EDAR: variants seen among roughly 807,000 people sequenced by gnomAD.
EDAR encodes tumor necrosis factor receptor superfamily member EDAR.
In EDAR, 38 loss-of-function variants were observed where a neutral mutation model predicts 51.3. The observed-to-expected ratio is 0.74, with a 90% confidence interval of 0.57 to 0.97. The LOEUF is 0.97. Ranked by LOEUF, EDAR falls within the 50% of genes least tolerant of loss-of-function variation. The probability of loss-of-function intolerance (pLI) is 0.00; values close to 1 mark genes in which losing one functional copy is unlikely to be tolerated. For missense variants in EDAR, 528 were observed against 595.0 expected (o/e 0.89, Z 1.17); for synonymous variants, 227 against 242.1 (o/e 0.94, Z 0.58).
At chr2:108,901,082 T>C (rs967064922) in intron 11 of EDAR, among the ~76,000 whole-genome samples, 32 of 152,190 alleles carry the variant, frequency 2.1e-4, no homozygotes, top group African/African-American at 7.5e-4. Context: ...AACAGCAGAA[T>C]ACACATTGTT....
At chr2:108,973,925 C>T (rs1474764687) in intron 1 of EDAR, among the ~76,000 whole-genome samples, 1 of 152,210 alleles carries the variant, frequency 6.6e-6, no homozygotes, top group Non-Finnish European at 1.5e-5. Flanking sequence ...AAACCAATTA[C>T]GGAGCTGTAA....
chr2:108,915,860 G>GCC (rs1697017605), intron 5 of EDAR, among the ~76,000 whole-genome samples: 1 of 151,950 alleles, frequency 6.6e-6, no homozygotes, highest in Admixed American at 6.6e-5. Context: ...CCACGCCATT[G>GCC]CACTCCATGC....
rs1219002338 is a variant in EDAR at position 108,894,974 on chromosome 2, C to CTCA, written c.*1930_*1932dup. The CTCA allele has an allele frequency of 6.6e-6, 1 of 152,218 alleles. No homozygotes were observed. Among genetic ancestry groups the CTCA allele is most frequent in the Non-Finnish European group, 1.5e-5 (1 of 68,040 alleles). The allele number at this position is 152,218 out of a possible 1,614,324, so 9.4% of individuals were successfully genotyped here. A position where few individuals can be genotyped will look rare whatever the true frequency, so the allele number is the denominator to read the frequency against. On this transcript the variant is annotated 3_prime_UTR_variant, in exon 12 of 12. Transcript: ENST00000258443. The stretch of plus-strand genomic sequence containing the variant: ...CAAGCTGTTATCCTGGAATGGCACA[C>CTCA]TCATCACAAGTGACATTTGCAGTCT...
intron 1 of EDAR, among the ~76,000 whole-genome samples, chr2:108,985,722 C>T (rs1698487094): frequency 6.6e-6 from 1 of 152,160 alleles, no homozygotes; most frequent in Non-Finnish European, 1.5e-5. Context: ...GTGTCTCTGC[C>T]CCCAGAGAGG....
At chr2:108,974,704 T>C (rs1184842936) in intron 1 of EDAR, among the ~76,000 whole-genome samples, 2 of 152,006 alleles carry the variant, frequency 1.3e-5, no homozygotes, top group African/African-American at 4.8e-5. Flanking sequence ...CACTCCACCC[T>C]GGGTGACAGA....
chr2:108,972,037 G>T (rs952337429), intron 1 of EDAR, among the ~76,000 whole-genome samples: 2 of 152,322 alleles, frequency 1.3e-5, no homozygotes, highest in African/African-American at 2.4e-5. Context: ...GGGTCCTCCA[G>T]CCTGGCCTGG....
At chr2:108,905,395 A>C (rs1696781687) in intron 11 of EDAR, among the ~76,000 whole-genome samples, 1 of 152,196 alleles carries the variant, frequency 6.6e-6, no homozygotes, top group African/African-American at 2.4e-5. Context: ...GTTTATGGAG[A>C]GATGCCACAT....
At chr2:108,931,156 C>G (rs570430839) in intron 1 of EDAR, 124 bp from the exon 2 acceptor site, 33 of 795,720 alleles carry the variant, frequency 4.1e-5, no homozygotes, top group African/African-American at 4.1e-4. Context: ...ACTATACATC[C>G]TAAAAGAAAA....
intron 1 of EDAR, among the ~76,000 whole-genome samples, chr2:108,962,965 G>A (rs909873967): frequency 1.3e-5 from 2 of 152,184 alleles, no homozygotes; most frequent in Non-Finnish European, 2.9e-5. Context: ...CCAAGGACAG[G>A]AGGGCTCACT....
At chr2:108,942,347 A>G (rs1025288460) in intron 1 of EDAR, among the ~76,000 whole-genome samples, 1 of 152,226 alleles carries the variant, frequency 6.6e-6, no homozygotes, top group African/African-American at 2.4e-5. Context: ...CTTTGGGAAC[A>G]GAGGTCTGGG....
At chr2:108,944,828 C>T (rs1341527669) in intron 1 of EDAR, among the ~76,000 whole-genome samples, 1 of 152,132 alleles carries the variant, frequency 6.6e-6, no homozygotes, top group Non-Finnish European at 1.5e-5. Context: ...ACCGCAGAGG[C>T]CAAGCTTCTA....
rs79648056 is a variant in EDAR, at chr2:108,908,001, G to T, written c.822C>A (p.Ser274=). ...KPTKSENDAS[S]ENEQLLSRSV... ...TCCGGCTCAGCAGCTGCTCATTCTC[G>T]GATGAGGCATCGTTCTCGCTGCAAA... The change falls in exon 10 of 12, where the codon TCC becomes TCA. Residue 274 remains serine (S), a synonymous_variant. Coordinates refer to ENST00000258443, the MANE Select transcript of EDAR (RefSeq NM_022336.4). 3.6e-3 allele frequency: 5,790 copies of T among 1,609,768 alleles called. 184 individuals carry two copies. In the African/African-American group the frequency reaches 0.068, roughly 19 times the overall value.
rs896148214 is a variant in EDAR at position 108,896,435 on chromosome 2, A to G, written c.*472T>C. On this transcript the variant is annotated 3_prime_UTR_variant, in exon 12 of 12. Transcript: ENST00000258443. ...GAGTCATCTCCCGCTTAGAACTTCTATTAACGTTTTCTAAGCGCCCCTTCA... is the reference window on the plus strand; with the variant it reads ...GAGTCATCTCCCGCTTAGAACTTCTGTTAACGTTTTCTAAGCGCCCCTTCA... The G allele has an allele frequency of 1.3e-5, 2 of 156,990 alleles. No homozygotes were observed. The highest frequency in any genetic ancestry group is 2.4e-5 in the African/African-American group (1 of 41,508). 9.7% of individuals were successfully genotyped at this position (156,990 alleles called of 1,614,324 possible). A position where few individuals can be genotyped will look rare whatever the true frequency, so the allele number is the denominator to read the frequency against.
At chr2:108,932,311 G>A (rs921992443) in intron 1 of EDAR, among the ~76,000 whole-genome samples, 3 of 151,898 alleles carry the variant, frequency 2.0e-5, no homozygotes, top group Non-Finnish European at 4.4e-5. Flanking sequence ...GGCGGATCAC[G>A]AGGTCAGGAG....
In EDAR at chr2:108,896,847, C is replaced by T; in HGVS notation, c.*60G>A. On this transcript the variant is annotated 3_prime_UTR_variant, in exon 12 of 12. Transcript: ENST00000258443. The stretch of plus-strand genomic sequence containing the variant: ...GGCAGTCTTTTGGCACCACTCACAG[C>T]TCCAGAGCCCTCGTTGGCTCCTTGG... The T allele has an allele frequency of 3.3e-6, 5 of 1,536,404 alleles. No individual in the cohort carries two copies. The highest frequency in any genetic ancestry group is 4.4e-6 in the Non-Finnish European group (5 of 1,128,980).
intron 1 of EDAR, among the ~76,000 whole-genome samples, chr2:108,983,636 C>T (rs1698451824): frequency 6.6e-6 from 1 of 152,204 alleles, no homozygotes; most frequent in African/African-American, 2.4e-5. Context: ...TATCCTCCTC[C>T]AGACTGACTT....
intron 8 of EDAR, 42 bp downstream of exon 8, chr2:108,910,734 G>A (rs1333137100): frequency 6.2e-7 from 1 of 1,605,202 alleles, no homozygotes; most frequent in South Asian, 1.1e-5. Context: ...ACCCAGAGAT[G>A]GGCACCGTGC....
At chr2:108,915,998 C>A (rs1697021834) in intron 5 of EDAR, among the ~76,000 whole-genome samples, 1 of 152,170 alleles carries the variant, frequency 6.6e-6, no homozygotes, top group Non-Finnish European at 1.5e-5. Context: ...ACAGAGCGTT[C>A]CCCCTCACAG....
intron 1 of EDAR, among the ~76,000 whole-genome samples, chr2:108,944,461 C>G (rs1399447433): frequency 6.6e-6 from 1 of 152,222 alleles, no homozygotes; most frequent in Non-Finnish European, 1.5e-5. Flanking sequence ...TTGACTATGG[C>G]TGCGGCAACA....
Sources: allele counts gnomAD v4.1 joint callset (sites outside exome capture counted in the v4.1 genomes callset), GRCh38; gene constraint gnomAD v4.1.1; transcripts MANE v1.5; gene names NCBI Gene and HGNC (gene_info 2026-07-23, HGNC 2026-07-21).